The following GRAMD2B variants were observed in gnomAD, a reference collection of about 807,000 sequenced individuals.
The protein encoded by GRAMD2B is GRAM domain containing 2B, also known as GRAM domain-containing protein 2B.
GRAMD2B carries 41 observed loss-of-function variants against 59.2 expected under a neutral mutation model. The observed-to-expected ratio is 0.69, with a 90% CI of 0.54 to 0.90. The LOEUF (loss-of-function observed/expected upper bound fraction) is 0.90. Among genes scored for constraint, GRAMD2B ranks in the 40% least tolerant of loss-of-function variants. The probability of loss-of-function intolerance (pLI) is 0.00; values close to 1 mark genes in which losing one functional copy is unlikely to be tolerated. For synonymous variants in GRAMD2B, 161 were observed against 182.7 expected, an observed-to-expected ratio of 0.88 and a Z score of 0.96; for missense variants, 424 against 500.5, an observed-to-expected ratio of 0.85 and a Z score of 1.46.
At chr5:126,464,542 G>T (rs1028906308) in intron 1 of GRAMD2B, among the ~76,000 whole-genome samples, 1 of 152,162 alleles carries the variant, frequency 6.6e-6, no homozygotes, top group Admixed American at 6.5e-5. Flanking sequence ...TCCTCTGTTT[G>T]TTGGTTCTAT....
chr5:126,372,042 T>A (rs1754803937), intron 1 of GRAMD2B, among the ~76,000 whole-genome samples: 2 of 152,234 alleles, frequency 1.3e-5, no homozygotes, highest in Non-Finnish European at 2.9e-5. Flanking sequence ...GTTCAAGTAC[T>A]TACTGCATAG....
intron 1 of GRAMD2B, 146 bp downstream of exon 1, chr5:126,423,835 C>CTG (rs1760104490): frequency 3.0e-6 from 2 of 661,324 alleles, no homozygotes; most frequent in Non-Finnish European, 5.0e-6. Flanking sequence ...GTCTCTCACT[C>CTG]TCTCTCTCTG....
At chr5:126,401,617 C>T (rs567302818) in intron 1 of GRAMD2B, among the ~76,000 whole-genome samples, 1 of 152,176 alleles carries the variant, frequency 6.6e-6, no homozygotes, top group East Asian at 1.9e-4. Flanking sequence ...CTTTACCAGT[C>T]ATCCAAGCTA....
At chr5:126,368,383 G>C (rs1249981601), upstream of GRAMD2B, among the ~76,000 whole-genome samples, 1 of 152,210 alleles carries the variant, frequency 6.6e-6, no homozygotes, top group African/African-American at 2.4e-5. Context: ...AAATAAAGCT[G>C]TCAGAATTCA....
chr5:126,481,390 T>C (rs1351411207), intron 8 of GRAMD2B, among the ~76,000 whole-genome samples: 1 of 152,126 alleles, frequency 6.6e-6, no homozygotes, highest in East Asian at 1.9e-4. Flanking sequence ...GGTTATAATG[T>C]TTTCCCAAGA....
intron 8 of GRAMD2B, among the ~76,000 whole-genome samples, chr5:126,482,373 G>A (rs6875882): frequency 0.32 from 49,192 of 152,014 alleles, 8,288 homozygotes; most frequent in Middle Eastern, 0.46. Context: ...GAAAAACAGT[G>A]GTGGGAAGCA....
chr5:126,480,323 TGAGAATATAGATCAAA>T, intron 6 of GRAMD2B, 117 bp from the exon 7 acceptor site: 1 of 602,980 alleles, frequency 1.7e-6, no homozygotes, highest in East Asian at 2.8e-5. Context: ...GTGAGAGGAA[TGAGAATATAGATCAAA>T]GAGAGGTCCA....
intron 1 of GRAMD2B, among the ~76,000 whole-genome samples, chr5:126,417,276 G>A (rs539814830): frequency 6.6e-6 from 1 of 152,330 alleles, no homozygotes; most frequent in East Asian, 1.9e-4. Context: ...AGGAAGCCTT[G>A]GAGATTCTAC....
Position 126,465,087 on chromosome 5 carries a change from G to A in GRAMD2B, c.84-339G>A, listed in dbSNP as rs190514147. 2.4e-4 allele frequency: 272 copies of A among 1,139,110 alleles called. No individual in the cohort carries two copies. The African/African-American group carries it at 3.6e-3, about 15-fold the overall frequency. The allele number at this position is 1,139,110 out of a possible 1,614,324, so 70.6% of individuals were successfully genotyped here. On this transcript the variant is annotated intron_variant, in intron 1 of 13. Coordinates refer to ENST00000285689, the MANE Select transcript of GRAMD2B (RefSeq NM_023927.4). ...CACACGTGAGCGTGTGTACATGTGC[G>A]TGTGTGCTTGTGCAGGGCGCTCCCA...
At chr5:126,484,118 G>A (rs1455020086) in intron 9 of GRAMD2B, among the ~76,000 whole-genome samples, 2 of 152,286 alleles carry the variant, frequency 1.3e-5, no homozygotes, top group East Asian at 1.9e-4. Flanking sequence ...GTGAGCCACC[G>A]CACCGGCCTA....
chr5:126,374,286 A>G (rs1755003600), intron 1 of GRAMD2B, among the ~76,000 whole-genome samples: 1 of 152,212 alleles, frequency 6.6e-6, no homozygotes, highest in African/African-American at 2.4e-5. Flanking sequence ...TGGTAACTCA[A>G]TGTGGGTTTA....
chr5:126,374,463 G>C lies in GRAMD2B; in HGVS notation c.125+2896G>C, dbSNP rs544126862. Among the ~76,000 whole-genome samples the C allele has an allele frequency of 3.0e-4, 46 of 152,218 alleles. No homozygotes were observed. In the South Asian group the frequency reaches 3.5e-3, roughly 12 times the overall value. ...AGTTTTTTAAAATACTCCAGACGCT[G>C]ATCTTTTGTTATGTGTTGCAAGTAT... On this transcript the variant is annotated intron_variant, in intron 1 of 8. Coordinates refer to the GRAMD2B transcript ENST00000506445.
At chr5:126,362,906 TG>T (rs1754281483) in intron 1 of GRAMD2B, among the ~76,000 whole-genome samples, 1 of 152,152 alleles carries the variant, frequency 6.6e-6, no homozygotes, top group East Asian at 1.9e-4. Flanking sequence ...ATCATTGGGT[TG>T]GGCAATTATT....
Position 126,371,685 on chromosome 5 carries a change from A to C in GRAMD2B, c.125+118A>C. The C allele has an allele frequency of 3.2e-6, 3 of 943,594 alleles. No homozygotes were observed. The East Asian group carries it at 2.1e-4, about 65-fold the overall frequency. 58.5% of individuals were successfully genotyped at this position (943,594 alleles called of 1,614,324 possible). A position where few individuals can be genotyped will look rare whatever the true frequency, so the allele number is the denominator to read the frequency against. On this transcript the variant is annotated intron_variant, in intron 1 of 8. Transcript: ENST00000506445. Reference sequence around the variant, plus strand: ...CTGGAGGTAGGGATCAGCCATGGGAAGAGAAGGTGCAGCCTAGGCATCCTG... The same window carrying C: ...CTGGAGGTAGGGATCAGCCATGGGACGAGAAGGTGCAGCCTAGGCATCCTG...
intron 1 of GRAMD2B, among the ~76,000 whole-genome samples, chr5:126,364,845 G>A (rs1047239489): frequency 1.3e-5 from 2 of 152,164 alleles, no homozygotes; most frequent in African/African-American, 4.8e-5. Flanking sequence ...TTTCTGAGAT[G>A]TTTCATAGAA....
intron 1 of GRAMD2B, among the ~76,000 whole-genome samples, chr5:126,441,946 A>C (rs1381360437): frequency 6.6e-6 from 1 of 152,034 alleles, no homozygotes; most frequent in East Asian, 1.9e-4. Context: ...AATCAAATCA[A>C]AACACTTTTT....
chr5:126,384,984 C>T (rs1376651578), intron 1 of GRAMD2B, among the ~76,000 whole-genome samples: 1 of 152,234 alleles, frequency 6.6e-6, no homozygotes, highest in Non-Finnish European at 1.5e-5. Context: ...TCACTGAGCA[C>T]AGTTCCTGGC....
In GRAMD2B at chr5:126,417,920, C is replaced by G. The variant is rs151221569; in HGVS notation, c.125+46353C>G. Among the ~76,000 whole-genome samples the G allele has an allele frequency of 3.8e-3, 586 of 152,294 alleles. 4 individuals are homozygous for G. Among genetic ancestry groups the G allele is most frequent in the African/African-American group, 0.013 (556 of 41,552 alleles). ...GAGACGACTGTAATTTTGGCCAAGT[C>G]ACTGAACTCCGTGAAAGCTTGGGCT... is the stretch of plus-strand genomic sequence containing the variant. On this transcript the variant is annotated intron_variant, in intron 1 of 8. Transcript: ENST00000506445.
chr5:126,409,056 A>G (rs1304169278), intron 1 of GRAMD2B, among the ~76,000 whole-genome samples: 3 of 151,588 alleles, frequency 2.0e-5, no homozygotes, highest in Non-Finnish European at 4.4e-5. Flanking sequence ...TCCATGGTGT[A>G]TATGTGCCAC....
Sources: gnomAD v4.1 joint callset for allele counts (sites outside exome capture counted in the v4.1 genomes callset) on GRCh38, gnomAD v4.1.1 for gene constraint, MANE v1.5 for transcripts, NCBI Gene and HGNC (gene_info 2026-07-23, HGNC 2026-07-21) for gene names.